Variants in SPAG16 observed in about 807,000 individuals in gnomAD.
SPAG16 encodes the protein sperm associated antigen 16, also known as sperm-associated antigen 16 protein.
Under a neutral mutation model 80.4 loss-of-function variants are expected in SPAG16, and 86 were observed. The observed-to-expected ratio is 1.07, with a 90% CI of 0.90 to 1.28. The LOEUF is 1.28. SPAG16 is among the 50% of genes most tolerant of loss of function. SPAG16 has a pLI of 0.00. For missense variants in SPAG16, 870 were observed against 765.3 expected (o/e 1.14, Z -1.61); for synonymous variants, 294 against 265.9 (o/e 1.11, Z -1.03).
At chr2:213,574,075 A>G (rs915187911) in intron 10 of SPAG16, among the ~76,000 whole-genome samples, 8 of 152,150 alleles carry the variant, frequency 5.3e-5, no homozygotes, top group Admixed American at 2.0e-4. Flanking sequence ...AAATAACTTT[A>G]TGTTTTGATA....
intron 13 of SPAG16, among the ~76,000 whole-genome samples, chr2:214,023,046 T>C (rs2047956227): frequency 1.3e-5 from 2 of 152,010 alleles, no homozygotes; most frequent in Non-Finnish European, 2.9e-5. Context: ...TCTGACATAA[T>C]TTAATATTCC....
chr2:213,901,793 T>A (rs1302202000), intron 11 of SPAG16, among the ~76,000 whole-genome samples: 1 of 152,138 alleles, frequency 6.6e-6, no homozygotes, highest in East Asian at 1.9e-4. Context: ...ATTTTCTCAG[T>A]TGTATAAGCA....
At chr2:213,784,820 G>A (rs531359241) in intron 10 of SPAG16, among the ~76,000 whole-genome samples, 1 of 151,516 alleles carries the variant, frequency 6.6e-6, no homozygotes, top group South Asian at 2.1e-4. Flanking sequence ...TGTAGCTAAT[G>A]TCCCTACTTT....
intron 11 of SPAG16, among the ~76,000 whole-genome samples, chr2:213,919,327 T>G (rs1388531820): frequency 6.6e-6 from 1 of 152,178 alleles, no homozygotes; most frequent in Non-Finnish European, 1.5e-5. Context: ...TTCTGTTAGT[T>G]TTTGGGTTCA....
chr2:213,685,973 G>A (rs1007544147), intron 10 of SPAG16, among the ~76,000 whole-genome samples: 1 of 152,150 alleles, frequency 6.6e-6, no homozygotes, highest in Non-Finnish European at 1.5e-5. Context: ...TATAATGCAT[G>A]TTTAAAAAGT....
chr2:213,404,385 G>T (rs1472192935), intron 9 of SPAG16, among the ~76,000 whole-genome samples: 1 of 152,080 alleles, frequency 6.6e-6, no homozygotes, highest in Non-Finnish European at 1.5e-5. Context: ...ACAGAACAGA[G>T]CCCTCAGAAA....
intron 5 of SPAG16, among the ~76,000 whole-genome samples, chr2:213,339,054 A>G (rs1241418328): frequency 2.6e-5 from 4 of 151,778 alleles, no homozygotes; most frequent in Non-Finnish European, 5.9e-5. Flanking sequence ...GAAGAAAGAA[A>G]CTTGGAAGAA....
chr2:214,286,595 A>C (rs950660251), intron 15 of SPAG16, among the ~76,000 whole-genome samples: 1 of 152,054 alleles, frequency 6.6e-6, no homozygotes, highest in African/African-American at 2.4e-5. Context: ...AAAAATACAA[A>C]CATTAGCTGG....
intron 14 of SPAG16, among the ~76,000 whole-genome samples, chr2:214,135,767 T>C (rs2055020706): frequency 6.6e-6 from 1 of 151,970 alleles, no homozygotes; most frequent in African/African-American, 2.4e-5. Context: ...CTTTTCTCTC[T>C]TGCCATGTGA....
chr2:214,025,454 T>A (rs1312691086), intron 13 of SPAG16, among the ~76,000 whole-genome samples: 1 of 151,712 alleles, frequency 6.6e-6, no homozygotes, highest in African/African-American at 2.4e-5. Context: ...TTTTATACAT[T>A]CAACCCATTA....
At chr2:214,064,843 A>T (rs557230289) in intron 13 of SPAG16, among the ~76,000 whole-genome samples, 42 of 152,150 alleles carry the variant, frequency 2.8e-4, no homozygotes, top group Non-Finnish European at 5.9e-5. Flanking sequence ...CTATAGATTG[A>T]ATTAAAAAGA....
At chr2:213,887,337 T>G (rs564083488) in intron 11 of SPAG16, among the ~76,000 whole-genome samples, 2 of 152,168 alleles carry the variant, frequency 1.3e-5, no homozygotes, top group East Asian at 3.9e-4. Flanking sequence ...CATTGTTTTT[T>G]CGTTTTGTTT....
At chr2:213,538,236 A>G (rs748702935) in intron 10 of SPAG16, among the ~76,000 whole-genome samples, 1 of 152,146 alleles carries the variant, frequency 6.6e-6, no homozygotes, top group African/African-American at 2.4e-5. Flanking sequence ...TTTGGATGAT[A>G]CATTTTTCTA....
At chr2:214,065,040 C>G (rs559335579) in intron 13 of SPAG16, among the ~76,000 whole-genome samples, 1 of 151,648 alleles carries the variant, frequency 6.6e-6, no homozygotes, top group Non-Finnish European at 1.5e-5. Context: ...AATATTTTTT[C>G]TCATGTGATT....
At chr2:213,996,146 G>A (rs2124830987) in intron 12 of SPAG16, among the ~76,000 whole-genome samples, 1 of 152,238 alleles carries the variant, frequency 6.6e-6, no homozygotes, top group East Asian at 1.9e-4. Context: ...GAAAAAATAG[G>A]GGGAAATCAC....
At chr2:214,306,839 T>C (rs1694950127) in intron 15 of SPAG16, among the ~76,000 whole-genome samples, 1 of 152,010 alleles carries the variant, frequency 6.6e-6, no homozygotes, top group South Asian at 2.1e-4. Context: ...TTTTTTGTTT[T>C]GTTTTGTTTT....
intron 15 of SPAG16, among the ~76,000 whole-genome samples, chr2:214,332,110 G>A (rs1696956276): frequency 6.6e-6 from 1 of 152,028 alleles, no homozygotes; most frequent in African/African-American, 2.4e-5. Flanking sequence ...AAATTAACTG[G>A]GCATGGTGGC....
At chr2:214,141,563 A>G (rs1482655875) in intron 14 of SPAG16, among the ~76,000 whole-genome samples, 3 of 152,028 alleles carry the variant, frequency 2.0e-5, no homozygotes, top group African/African-American at 7.2e-5. Context: ...TTACTTTTTC[A>G]TGGTGAAATA....
At chr2:214,126,411 T>G (rs1475217169) in intron 14 of SPAG16, among the ~76,000 whole-genome samples, 1 of 151,600 alleles carries the variant, frequency 6.6e-6, no homozygotes, top group Non-Finnish European at 1.5e-5. Context: ...GAGCCATACT[T>G]CAGGGTGTCG....
Sources: allele counts gnomAD v4.1 joint callset (sites outside exome capture counted in the v4.1 genomes callset), GRCh38; gene constraint gnomAD v4.1.1; transcripts MANE v1.5; gene names NCBI Gene and HGNC (gene_info 2026-07-23, HGNC 2026-07-21).